BLNK: variants seen among roughly 807,000 people sequenced by gnomAD.
BLNK encodes B-cell linker protein.
In BLNK, 29 loss-of-function variants were observed where a neutral mutation model predicts 73.5. The ratio of observed to expected loss-of-function variants is 0.39; its 90% CI spans 0.29 to 0.54. The LOEUF is 0.54. BLNK is among the 20% of genes least tolerant of loss of function. The probability of loss-of-function intolerance (pLI) is 0.61; values close to 1 mark genes in which losing one functional copy is unlikely to be tolerated. For synonymous variants in BLNK, 176 were observed against 200.8 expected (o/e 0.88, Z 1.04); for missense variants, 460 against 562.8 (o/e 0.82, Z 1.85).
chr10:96,254,730 C>G (rs1843440219), intron 1 of BLNK, among the ~76,000 whole-genome samples: 1 of 152,098 alleles, frequency 6.6e-6, no homozygotes, highest in South Asian at 2.1e-4. Flanking sequence ...AGGCTGGTCT[C>G]GAACTTCTGA....
At position 96,196,954 on chromosome 10, in the gene BLNK, T is replaced by G; in HGVS notation, c.1205A>C (p.Glu402Ala). The change falls in exon 16 of 17, where the codon GAA becomes GCA. Residue 402 changes from glutamate (E) to alanine (A), a missense_variant. Glu to Ala is a moderately radical substitution (Grantham distance 107). Around this residue, in one of 3 missense-constraint regions of BLNK, gnomAD observed 88 missense variants for 143.4 expected, o/e 0.61. Coordinates refer to ENST00000224337, the MANE Select transcript of BLNK (RefSeq NM_013314.4). Reference protein sequence around the residue: ...RVYNIPVRFIEATKQYALGRK... With the variant: ...RVYNIPVRFIAATKQYALGRK... ...GCCCAAGGCATATTGTTTTGTTGCT[T>G]CAATAAATCGCACAGGAATATTATA... 1 of 1,613,630 alleles carries G rather than the reference T, an allele frequency of 6.2e-7. No individual in the cohort carries two copies. Among genetic ancestry groups the G allele is most frequent in the Non-Finnish European group, 8.5e-7 (1 of 1,179,772 alleles).
rs532514182 is a variant in BLNK at position 96,252,338 on chromosome 10, A to G, written c.48-5289T>C. Among the ~76,000 whole-genome samples, 6 of 152,342 alleles carry G rather than the reference A, an allele frequency of 3.9e-5. No homozygotes were observed. The South Asian group carries it at 1.0e-3, about 26-fold the overall frequency. ...AGTGCTGGGATTACAGGCATGAGCC[A>G]CCATGCCCAGCTCCTGCATTTCTAA... is the stretch of plus-strand genomic sequence containing the variant. On this transcript the variant is annotated intron_variant, in intron 1 of 16. Transcript: ENST00000224337.
chr10:96,222,389 G>T (rs1244447438), intron 6 of BLNK, among the ~76,000 whole-genome samples: 1 of 152,236 alleles, frequency 6.6e-6, no homozygotes, highest in African/African-American at 2.4e-5. Context: ...TCTTAGAGAA[G>T]CTGCAGGCTG....
In BLNK at chr10:96,189,239, A is replaced by C. The variant is rs1446975255; in HGVS notation, c.*2734T>G. 1.3e-5 allele frequency: 5 copies of C among 382,204 alleles called. No homozygotes were observed. The highest frequency in any genetic ancestry group is 2.5e-5 in the Non-Finnish European group (5 of 203,260). 23.7% of individuals were successfully genotyped at this position (382,204 alleles called of 1,614,324 possible). ...CATTCTTGGCAATGGAACCTGGACA[A>C]CATTTATTAAACACAGTAGGGAAAG... On this transcript the variant is annotated 3_prime_UTR_variant, in exon 17 of 17. Coordinates refer to ENST00000224337, the MANE Select transcript of BLNK (RefSeq NM_013314.4).
Position 96,191,776 on chromosome 10 carries a change from C to T in BLNK, c.*197G>A, listed in dbSNP as rs2083333634. 3 of 614,402 alleles carry T rather than the reference C, an allele frequency of 4.9e-6. No individual in the cohort carries two copies. The highest frequency in any genetic ancestry group is 2.9e-5 in the East Asian group (1 of 34,400). 38.1% of individuals were successfully genotyped at this position (614,402 alleles called of 1,614,324 possible). A position where few individuals can be genotyped will look rare whatever the true frequency, so the allele number is the denominator to read the frequency against. On this transcript the variant is annotated 3_prime_UTR_variant, in exon 17 of 17. Coordinates refer to ENST00000224337, the MANE Select transcript of BLNK (RefSeq NM_013314.4). ...TCAACCTCACCAGATATTAACAGTTCATCAGGTCAGGCAATAGAACAAGTC... is the reference window on the plus strand; with the variant it reads ...TCAACCTCACCAGATATTAACAGTTTATCAGGTCAGGCAATAGAACAAGTC...
chr10:96,250,713 G>A (rs1225616414), intron 1 of BLNK, among the ~76,000 whole-genome samples: 1 of 152,196 alleles, frequency 6.6e-6, no homozygotes, highest in East Asian at 1.9e-4. Context: ...TAAATAAACA[G>A]ATGCAAAATG....
intron 4 of BLNK, among the ~76,000 whole-genome samples, chr10:96,228,433 TTTTAGTAA>T (rs2134035498): frequency 6.6e-6 from 1 of 152,228 alleles, no homozygotes; most frequent in Non-Finnish European, 1.5e-5. Flanking sequence ...ATTTTTGTAT[TTTTAGTAA>T]AGCTGGGGTT....
In BLNK at chr10:96,270,711, C is replaced by A. The variant is rs75450450; in HGVS notation, c.47+641G>T. Among the ~76,000 whole-genome samples the A allele has an allele frequency of 6.6e-3, 1,002 of 152,050 alleles. 12 individuals carry two copies. Among genetic ancestry groups the A allele is most frequent in the African/African-American group, 0.022 (908 of 41,438 alleles). On this transcript the variant is annotated intron_variant, in intron 1 of 16. Transcript: ENST00000224337. ...AAGCCATGATGCCATTACAATGAGA[C>A]AAAAAGAAGACCTTCAAAAGCAAAA... is the stretch of plus-strand genomic sequence containing the variant.
chr10:96,248,823 A>G (rs1843160516), intron 1 of BLNK, among the ~76,000 whole-genome samples: 3 of 152,228 alleles, frequency 2.0e-5, no homozygotes, highest in Admixed American at 2.0e-4. Flanking sequence ...ATATACATCT[A>G]TATTGTTGCC....
At chr10:96,207,954 C>T in intron 9 of BLNK, 55 bp from the exon 10 acceptor site, 1 of 1,557,234 alleles carries the variant, frequency 6.4e-7, no homozygotes, top group Non-Finnish European at 8.9e-7. Flanking sequence ...CAAAATGGAG[C>T]TATTTACCAT....
In BLNK at chr10:96,200,968, A is replaced by G. The variant is rs1293322401; in HGVS notation, c.1011+14T>C. ...CTGGTAACAATTTAGTGACATCAAG[A>G]GTTCATTTCATACCTGTTCTGAAAT... On this transcript the variant is annotated intron_variant, in intron 14 of 16. Transcript: ENST00000224337. This position sits in a 1 kb window ranked among gnomAD's most constrained non-coding sequence, Gnocchi z 4.3. 1.2e-6 allele frequency: 2 copies of G among 1,610,240 alleles called. No individual in the cohort carries two copies. Among genetic ancestry groups the G allele is most frequent in the East Asian group, 4.5e-5 (2 of 44,870 alleles).
At chr10:96,237,658 T>C (rs1255807359) in intron 3 of BLNK, among the ~76,000 whole-genome samples, 4 of 152,248 alleles carry the variant, frequency 2.6e-5, no homozygotes, top group Admixed American at 2.6e-4. Context: ...TACCGAAGGC[T>C]GTTCAACTGT....
chr10:96,228,419 G>A (rs1174915071), intron 4 of BLNK, among the ~76,000 whole-genome samples: 2 of 152,128 alleles, frequency 1.3e-5, no homozygotes, highest in African/African-American at 4.8e-5. Flanking sequence ...ACCACGCCCA[G>A]CTAATTTTTG....
chr10:96,245,431 G>A (rs543343778), intron 2 of BLNK, among the ~76,000 whole-genome samples: 51 of 152,190 alleles, frequency 3.4e-4, no homozygotes, highest in African/African-American at 1.1e-3. Context: ...GGTCTGCAAT[G>A]AACATTTATT....
rs2083588300 is a variant in BLNK at position 96,200,005 on chromosome 10, C to G, written c.1095+70G>C. 8.8e-7 allele frequency: 1 copy of G among 1,135,464 alleles called. No homozygotes were observed. Among genetic ancestry groups the G allele is most frequent in the East Asian group, 3.4e-5 (1 of 29,360 alleles). The allele number at this position is 1,135,464 out of a possible 1,614,324, so 70.3% of individuals were successfully genotyped here. A position where few individuals can be genotyped will look rare whatever the true frequency, so the allele number is the denominator to read the frequency against. On this transcript the variant is annotated intron_variant, in intron 15 of 16. Coordinates refer to ENST00000224337, the MANE Select transcript of BLNK (RefSeq NM_013314.4). This position sits in a 1 kb window ranked among gnomAD's most constrained non-coding sequence, Gnocchi z 4.3. ...ATCGAGCCACTGCACTCCAGTGAAA[C>G]TGCATCATCTCAAAACAAATAAATA...
Position 96,216,361 on chromosome 10 carries a change from C to G in BLNK, c.607+292G>C, listed in dbSNP as rs782581802. ...CATTGTATTAGGTTTTATGAGAAAT[C>G]CATTTGAAGCGAGGGCAGCTGAAGA... On this transcript the variant is annotated intron_variant, in intron 7 of 16. Coordinates refer to ENST00000224337, the MANE Select transcript of BLNK (RefSeq NM_013314.4). The G allele has an allele frequency of 3.7e-5, 16 of 429,990 alleles. No individual in the cohort carries two copies. In the Admixed American group the frequency reaches 4.3e-4, roughly 12 times the overall value. The allele number at this position is 429,990 out of a possible 1,614,324, so 26.6% of individuals were successfully genotyped here.
chr10:96,189,368 A>T lies in BLNK; in HGVS notation c.*2605T>A. On this transcript the variant is annotated 3_prime_UTR_variant, in exon 17 of 17. Transcript: ENST00000224337. ...ATTGTTTAAACTATTTTCTAAAGAG[A>T]CTTCCTCCACTGCCAGGATCTTGAA... 1.8e-6 allele frequency: 1 copy of T among 568,764 alleles called. No individual in the cohort carries two copies. The highest frequency in any genetic ancestry group is 3.3e-6 in the Non-Finnish European group (1 of 301,644). The allele number at this position is 568,764 out of a possible 1,614,324, so 35.2% of individuals were successfully genotyped here.
At position 96,242,062 on chromosome 10, in the gene BLNK, C is replaced by T. The variant is rs587758032; in HGVS notation, c.163+673G>A. Among the ~76,000 whole-genome samples the T allele has an allele frequency of 1.1e-4, 16 of 152,112 alleles. No homozygotes were observed. The South Asian group carries it at 3.1e-3, about 30-fold the overall frequency. On this transcript the variant is annotated intron_variant, in intron 3 of 16. Coordinates refer to ENST00000224337, the MANE Select transcript of BLNK (RefSeq NM_013314.4). ...ATAATTGATATGGTTTTTCTGTGTA[C>T]CCCCCCAAATCTCATCTTGCATTGT...
intron 3 of BLNK, among the ~76,000 whole-genome samples, chr10:96,238,660 G>A (rs1842782161): frequency 6.6e-6 from 1 of 152,206 alleles, no homozygotes; most frequent in African/African-American, 2.4e-5. Flanking sequence ...TGGGGTGGGG[G>A]AGAGAACGGC....
Sources: gnomAD v4.1 joint callset for allele counts (sites outside exome capture counted in the v4.1 genomes callset) on GRCh38, gnomAD v4.1.1 for gene constraint, gnomAD v4.1.1 regional missense constraint, Gnocchi (gnomAD v3.1) non-coding constraint, MANE v1.5 for transcripts, NCBI Gene and HGNC (gene_info 2026-07-23, HGNC 2026-07-21) for gene names.